The following WDR19 variants were observed in gnomAD, a reference collection of about 807,000 sequenced individuals.
WDR19 encodes the protein WD repeat-containing protein 19.
A neutral mutation model predicts 180.0 loss-of-function variants in WDR19; 121 were observed. The observed-to-expected ratio is 0.67, with a 90% CI of 0.58 to 0.78. The LOEUF (loss-of-function observed/expected upper bound fraction) is 0.78, where lower values mean the gene tolerates loss of function less well. Among genes scored for constraint, WDR19 ranks in the 30% least tolerant of loss-of-function variants. WDR19 has a pLI of 0.00. For synonymous variants in WDR19, 497 were observed against 540.7 expected (o/e 0.92, Z 1.12); for missense variants, 1,450 against 1,640.7 (o/e 0.88, Z 2.01).
At chr4:39,254,400 T>A (rs1210019793) in intron 26 of WDR19, among the ~76,000 whole-genome samples, 1 of 152,152 alleles carries the variant, frequency 6.6e-6, no homozygotes, top group Admixed American at 6.5e-5. Context: ...CATTAAAAAA[T>A]TGAGTTACAA....
rs79911744 is a variant in WDR19 at position 39,274,674 on chromosome 4, T to C, written c.3566-134T>C. 1.6e-3 allele frequency: 1,658 copies of C among 1,040,312 alleles called. 27 individuals carry two copies. In the East Asian group the frequency reaches 0.035, roughly 22 times the overall value. The allele number at this position is 1,040,312 out of a possible 1,614,324, so 64.4% of individuals were successfully genotyped here. ...TACTTTCCTCATTAAACAGATCATATCTGGTTCTTTGCAGAAAAAGCAAAG... is the reference window on the plus strand; with the variant it reads ...TACTTTCCTCATTAAACAGATCATACCTGGTTCTTTGCAGAAAAAGCAAAG... On this transcript the variant is annotated intron_variant, in intron 32 of 36. Transcript: ENST00000399820.
chr4:39,246,366 T>G (rs953213944), intron 24 of WDR19, among the ~76,000 whole-genome samples: 2 of 151,882 alleles, frequency 1.3e-5, no homozygotes, highest in African/African-American at 4.8e-5. Context: ...ATAAAAAATT[T>G]GGGGGGTGGA....
chr4:39,200,922 A>G (rs1727300752), intron 6 of WDR19, among the ~76,000 whole-genome samples: 1 of 152,232 alleles, frequency 6.6e-6, no homozygotes, highest in African/African-American at 2.4e-5. Context: ...TACCTGTCCT[A>G]TAACATTTGG....
chr4:39,185,648 G>T, intron 1 of WDR19, 78 bp from the exon 2 acceptor site: 3 of 1,316,774 alleles, frequency 2.3e-6, no homozygotes, highest in South Asian at 2.5e-5. Flanking sequence ...TGGTTTTCAT[G>T]ACCATGTTTT....
At chr4:39,283,030 T>TTA (rs2109542051) in intron 36 of WDR19, among the ~76,000 whole-genome samples, 1 of 152,346 alleles carries the variant, frequency 6.6e-6, no homozygotes, top group Non-Finnish European at 1.5e-5. Context: ...TGTTGTATAA[T>TTA]AGTAGAGTCA....
At chr4:39,203,571 C>T in intron 6 of WDR19, 71 bp from the exon 7 acceptor site, 1 of 1,268,092 alleles carries the variant, frequency 7.9e-7, no homozygotes. Flanking sequence ...ACAAGTTATC[C>T]ATTCTATTAA....
rs115367245 is a variant in WDR19, at chr4:39,265,267, A to G, written c.3184-796A>G. Among the ~76,000 whole-genome samples the G allele has an allele frequency of 7.9e-3, 1,203 of 151,344 alleles. 20 individuals carry two copies. Among genetic ancestry groups the G allele is most frequent in the African/African-American group, 0.028 (1,137 of 41,250 alleles). ...TTTCTAAGCCAGCCTTCCCTCCAGA[A>G]CCCCACCCATGTTTCAGCTGCTTGC... On this transcript the variant is annotated intron_variant, in intron 28 of 36. Coordinates refer to ENST00000399820, the MANE Select transcript of WDR19 (RefSeq NM_025132.4).
chr4:39,225,175 G>GTTTA, intron 15 of WDR19, 142 bp downstream of exon 15: 1 of 645,392 alleles, frequency 1.5e-6, no homozygotes, highest in African/African-American at 1.9e-5. Context: ...ATAATATCAT[G>GTTTA]TTTATGATAG....
intron 14 of WDR19, among the ~76,000 whole-genome samples, chr4:39,222,635 C>T (rs1729815795): frequency 6.6e-6 from 1 of 152,158 alleles, no homozygotes; most frequent in South Asian, 2.1e-4. Context: ...GTTCCAGCAC[C>T]ATTTTTTGAA....
intron 7 of WDR19, among the ~76,000 whole-genome samples, chr4:39,204,652 A>G (rs1727760443): frequency 1.3e-5 from 2 of 152,254 alleles, no homozygotes; most frequent in Middle Eastern, 3.2e-3. Context: ...TTAAGAATTT[A>G]CTTGCATGAG....
intron 14 of WDR19, among the ~76,000 whole-genome samples, chr4:39,223,575 C>A (rs906074081): frequency 4.6e-5 from 7 of 152,182 alleles, no homozygotes; most frequent in African/African-American, 1.4e-4. Flanking sequence ...AACTCCTGAC[C>A]TCGTGATCCA....
At chr4:39,201,495 C>T (rs1727374201) in intron 6 of WDR19, among the ~76,000 whole-genome samples, 1 of 152,190 alleles carries the variant, frequency 6.6e-6, no homozygotes, top group Non-Finnish European at 1.5e-5. Context: ...ACAAGCAGAA[C>T]AGCAAGGAAA....
chr4:39,205,462 A>T, intron 8 of WDR19, 101 bp from the exon 9 acceptor site: 1 of 1,357,800 alleles, frequency 7.4e-7, no homozygotes, highest in Non-Finnish European at 9.9e-7. Flanking sequence ...TTGATAAATT[A>T]TATTCTATAA....
intron 4 of WDR19, among the ~76,000 whole-genome samples, chr4:39,190,074 C>G (rs779877388): frequency 5.3e-5 from 8 of 152,220 alleles, no homozygotes; most frequent in Non-Finnish European, 1.2e-4. Context: ...ATGGCTAGAT[C>G]TAGGAGTTAT....
At chr4:39,234,485 A>T (rs1173810015) in intron 19 of WDR19, among the ~76,000 whole-genome samples, 1 of 152,198 alleles carries the variant, frequency 6.6e-6, no homozygotes, top group Non-Finnish European at 1.5e-5. Flanking sequence ...AATACTAAGG[A>T]CTAAGATTTT....
intron 5 of WDR19, among the ~76,000 whole-genome samples, chr4:39,196,068 A>G (rs1726717765): frequency 6.6e-6 from 1 of 152,160 alleles, no homozygotes; most frequent in Non-Finnish European, 1.5e-5. Context: ...GGGTATAGAA[A>G]GATGTCTTTG....
chr4:39,278,033 G>A (rs1401626075), intron 34 of WDR19, 98 bp from the exon 35 acceptor site: 7 of 1,059,808 alleles, frequency 6.6e-6, no homozygotes, highest in Non-Finnish European at 9.8e-6. Context: ...CAGCCTGGGT[G>A]ACTGGGCAAG....
In WDR19 at chr4:39,205,694, T is replaced by C. The variant is rs753426600; in HGVS notation, c.848T>C (p.Val283Ala). 1 of 1,610,124 alleles carries C rather than the reference T, an allele frequency of 6.2e-7. No homozygotes were observed. Among genetic ancestry groups the C allele is most frequent in the Non-Finnish European group, 8.5e-7 (1 of 1,177,900 alleles). ...AAAGATAATCTAACCAGCATTGCAG[T>C]ATCACAGACTCTTAACAAAGTTGCT... ...NHKDNLTSIA[V>A]SQTLNKVATC... is the part of the protein sequence containing the mutation. Residue 283 changes from valine (V) to alanine (A), a missense_variant, in exon 9 of 37, where the codon GTA (valine) becomes GCA (alanine). Transcript: ENST00000399820.
intron 20 of WDR19, chr4:39,237,591 T>A (rs1276231619): frequency 2.0e-5 from 3 of 152,202 alleles, no homozygotes; most frequent in African/African-American, 7.2e-5. Flanking sequence ...CTTTCATTTC[T>A]AACCATGATA....
Sources: gnomAD v4.1 joint callset for allele counts (sites outside exome capture counted in the v4.1 genomes callset) on GRCh38, gnomAD v4.1.1 for gene constraint, MANE v1.5 for transcripts, NCBI Gene and HGNC (gene_info 2026-07-23, HGNC 2026-07-21) for gene names.